The following DLGAP3 variants were observed in gnomAD, a reference collection of about 807,000 sequenced individuals.
DLGAP3 encodes DLG associated protein 3.
DLGAP3 carries 17 observed loss-of-function variants against 81.2 expected under a neutral mutation model. The observed-to-expected ratio is 0.21, with a 90% CI of 0.14 to 0.31. DLGAP3 has a LOEUF of 0.31. Among genes scored for constraint, DLGAP3 ranks in the 10% least tolerant of loss-of-function variants. The probability of loss-of-function intolerance (pLI) is 1.00; values close to 1 mark genes in which losing one functional copy is unlikely to be tolerated. For missense variants in DLGAP3, 1,124 were observed against 1,388.0 expected (o/e 0.81, Z 3.02); for synonymous variants, 577 against 587.4 (o/e 0.98, Z 0.26).
intron 6 of DLGAP3, 47 bp downstream of exon 6, chr1:34,886,025 G>A (rs1364921591): frequency 1.3e-6 from 2 of 1,530,940 alleles, no homozygotes; most frequent in African/African-American, 2.7e-5. Context: ...CGGACCCAGG[G>A]CGCTCTCCTG....
At chr1:34,881,972 C>T (rs946977008) in intron 8 of DLGAP3, among the ~76,000 whole-genome samples, 1 of 152,136 alleles carries the variant, frequency 6.6e-6, no homozygotes, top group South Asian at 2.1e-4. Context: ...GTCAATACTA[C>T]TGAACAGTGA....
chr1:34,866,181 G>T lies in DLGAP3; in HGVS notation c.2842C>A (p.Leu948Met). 1.3e-6 allele frequency: 2 copies of T among 1,594,804 alleles called. No individual in the cohort carries two copies. Among genetic ancestry groups the T allele is most frequent in the African/African-American group, 1.3e-5 (1 of 74,902 alleles). Residue 948 changes from leucine to methionine, a missense_variant, in exon 12 of 12, where the codon CTG becomes ATG. Transcript: ENST00000373347. ...RQRQEARKRLLAAKRAASFRH... is the reference protein window; with the variant it reads ...RQRQEARKRLMAAKRAASFRH... ...AAGGAAGCGGCGCGCTTGGCCGCCA[G>T]GAGCCGCTTGCGCGCTTCCTGCCGC...
intron 8 of DLGAP3, among the ~76,000 whole-genome samples, chr1:34,879,108 G>T (rs976729025): frequency 1.3e-5 from 2 of 151,808 alleles, no homozygotes; most frequent in Admixed American, 6.6e-5. Context: ...AGAAGCTGCG[G>T]GGGGGCATAG....
chr1:34,876,384 CAGAG>C (rs1639057178), intron 8 of DLGAP3, among the ~76,000 whole-genome samples: 1 of 152,036 alleles, frequency 6.6e-6, no homozygotes, highest in Non-Finnish European at 1.5e-5. Flanking sequence ...AACCAAATTA[CAGAG>C]AGAGAAACAG....
At chr1:34,896,617 A>AC (rs1557480802) in intron 5 of DLGAP3, among the ~76,000 whole-genome samples, 11 of 151,544 alleles carry the variant, frequency 7.3e-5, no homozygotes, top group African/African-American at 9.7e-5. Context: ...ACACACACAC[A>AC]AAATCAAACT....
intron 8 of DLGAP3, among the ~76,000 whole-genome samples, chr1:34,871,073 G>A (rs936668966): frequency 3.9e-5 from 6 of 151,914 alleles, no homozygotes; most frequent in African/African-American, 1.2e-4. Flanking sequence ...TAAGATCTGG[G>A]GCCCTCCCCA....
intron 7 of DLGAP3, 145 bp downstream of exon 7, chr1:34,885,333 C>A (rs1364338734): frequency 1.1e-6 from 1 of 945,224 alleles, no homozygotes; most frequent in Non-Finnish European, 1.6e-6. Flanking sequence ...GGAGCAGCCC[C>A]GTCGATGTCC....
intron 8 of DLGAP3, among the ~76,000 whole-genome samples, chr1:34,879,587 C>A (rs1250392929): frequency 6.6e-6 from 1 of 151,598 alleles, no homozygotes; most frequent in African/African-American, 2.4e-5. Context: ...AAATTCTAAG[C>A]AATAAATATA....
At chr1:34,914,594 T>C (rs1303975357) in intron 1 of DLGAP3, among the ~76,000 whole-genome samples, 1 of 152,248 alleles carries the variant, frequency 6.6e-6, no homozygotes, top group Non-Finnish European at 1.5e-5. Flanking sequence ...GAAGCCTGTT[T>C]GCCTCTCTCA....
At chr1:34,875,262 G>T (rs1452857969) in intron 8 of DLGAP3, among the ~76,000 whole-genome samples, 2 of 152,208 alleles carry the variant, frequency 1.3e-5, no homozygotes, top group African/African-American at 4.8e-5. Context: ...GGAAAGGGTA[G>T]GCAGGTCTTC....
chr1:34,911,028 C>CT (rs1639632482), intron 1 of DLGAP3, among the ~76,000 whole-genome samples: 1 of 150,486 alleles, frequency 6.6e-6, no homozygotes, highest in African/African-American at 2.5e-5. Flanking sequence ...ATCCACCCCC[C>CT]CCCCACCACC....
rs1432656542 is a variant in DLGAP3, at chr1:34,866,132, C to T, written c.2891G>A (p.Ser964Asn). The part of the protein sequence containing the change: ...ASFRHSSATE[S>N]ADSIEIYIPE... ...GATGTAGATCTCGATGCTGTCGGCG[C>T]TCTCGGTGGCCGAGCTGTGGCGGAA... Residue 964 changes from serine to asparagine, a missense_variant, in exon 12 of 12, where the codon AGC (serine) becomes AAC (asparagine). Ser to Asn is a conservative substitution (Grantham distance 46). Coordinates refer to ENST00000373347, the MANE Select transcript of DLGAP3 (RefSeq NM_001080418.3). 6.3e-7 allele frequency: 1 copy of T among 1,597,240 alleles called. No individual in the cohort carries two copies. Among genetic ancestry groups the T allele is most frequent in the Admixed American group, 1.7e-5 (1 of 59,806 alleles).
intron 1 of DLGAP3, among the ~76,000 whole-genome samples, chr1:34,926,673 C>T (rs1197849401): frequency 6.6e-6 from 1 of 152,150 alleles, no homozygotes; most frequent in Admixed American, 6.5e-5. Flanking sequence ...CCCTTCATCA[C>T]CTCACCCCCA....
chr1:34,885,399 A>AGAAGGCCGCTTCCAATATC, intron 7 of DLGAP3, 79 bp downstream of exon 7: 1 of 1,471,536 alleles, frequency 6.8e-7, no homozygotes, highest in Non-Finnish European at 9.3e-7. Flanking sequence ...CGATATATCC[A>AGAAGGCCGCTTCCAATATC]GAAGGCCGCT....
intron 7 of DLGAP3, among the ~76,000 whole-genome samples, 161 bp downstream of exon 7, chr1:34,885,317 C>G (rs1335394108): frequency 1.3e-5 from 2 of 152,224 alleles, no homozygotes; most frequent in African/African-American, 2.4e-5. Flanking sequence ...TGGGCGGGGG[C>G]TGGCTGGAGC....
At chr1:34,893,302 G>T (rs1183647834) in intron 5 of DLGAP3, among the ~76,000 whole-genome samples, 1 of 151,966 alleles carries the variant, frequency 6.6e-6, no homozygotes, top group African/African-American at 2.4e-5. Context: ...CTTCCAAGAT[G>T]AAGTAAAAAT....
chr1:34,866,790 C>CG (rs1031106454), intron 11 of DLGAP3, among the ~76,000 whole-genome samples: 7 of 152,226 alleles, frequency 4.6e-5, no homozygotes, highest in East Asian at 1.9e-4. Context: ...CGCCACCCCC[C>CG]CAACCCCGCT....
rs779997406 is a variant in DLGAP3 at position 34,905,377 on chromosome 1, C to T, written c.7G>A (p.Gly3Ser). 6.4e-7 allele frequency: 1 copy of T among 1,552,870 alleles called. No homozygotes were observed. The highest frequency in any genetic ancestry group is 8.7e-7 in the Non-Finnish European group (1 of 1,148,320). ...TGGCTGCCTCGGTCGCCATGGTAAC[C>T]CCTCATGGCCTCAGCAAAGGCTCTT... MR[G>S]YHGDRGSHPR... Residue 3 changes from glycine to serine, a missense_variant, in exon 3 of 12, where the codon GGT (glycine) becomes AGT (serine). By Grantham distance (56) the Gly-to-Ser change is moderately conservative (BLOSUM62 0). Coordinates refer to ENST00000373347, the MANE Select transcript of DLGAP3 (RefSeq NM_001080418.3).
At position 34,865,923 on chromosome 1, in the gene DLGAP3, G is replaced by A. The variant is rs1200767454; in HGVS notation, c.*160C>T. ...GGCGCCTTCGCGTGGGATCAGGAAGGTAAAAAACCCACGAGAGTGTGACGG... is the reference window on the plus strand; with the variant it reads ...GGCGCCTTCGCGTGGGATCAGGAAGATAAAAAACCCACGAGAGTGTGACGG... On this transcript the variant is annotated 3_prime_UTR_variant, in exon 12 of 12. Coordinates refer to ENST00000373347, the MANE Select transcript of DLGAP3 (RefSeq NM_001080418.3). 1.4e-6 allele frequency: 1 copy of A among 726,862 alleles called. No individual in the cohort carries two copies. The highest frequency in any genetic ancestry group is 2.4e-6 in the Non-Finnish European group (1 of 423,030). 45.0% of individuals were successfully genotyped at this position (726,862 alleles called of 1,614,324 possible). A position where few individuals can be genotyped will look rare whatever the true frequency, so the allele number is the denominator to read the frequency against.
Sources: gnomAD v4.1 joint callset for allele counts (sites outside exome capture counted in the v4.1 genomes callset) on GRCh38, gnomAD v4.1.1 for gene constraint, MANE v1.5 for transcripts, NCBI Gene and HGNC (gene_info 2026-07-23, HGNC 2026-07-21) for gene names.